Variants in KANSL3 observed in about 807,000 individuals in gnomAD.
The protein encoded by KANSL3 is KAT8 regulatory NSL complex subunit 3, also known as NSL complex protein NSL3.
Under a neutral mutation model 89.2 loss-of-function variants are expected in KANSL3, and 16 were observed. That is an observed-to-expected ratio of 0.18 (90% CI 0.12 to 0.27). The LOEUF is 0.27. Among genes scored for constraint, KANSL3 ranks in the 10% least tolerant of loss-of-function variants. The probability of loss-of-function intolerance (pLI) is 1.00; values close to 1 mark genes in which losing one functional copy is unlikely to be tolerated. For synonymous variants in KANSL3, 385 were observed against 419.7 expected, an observed-to-expected ratio of 0.92 and a Z score of 1.01; for missense variants, 879 against 1,110.6, an observed-to-expected ratio of 0.79 and a Z score of 2.96.
At chr2:96,601,836 T>A (rs777740365) in intron 19 of KANSL3, 60 bp from the exon 20 acceptor site, 91 of 1,492,416 alleles carry the variant, frequency 6.1e-5, no homozygotes, top group Non-Finnish European at 7.8e-5. Flanking sequence ...CTACTGAGGC[T>A]TTCCTTTCCT....
intron 3 of KANSL3, among the ~76,000 whole-genome samples, chr2:96,625,939 G>C (rs2072217218): frequency 6.6e-6 from 1 of 152,126 alleles, no homozygotes; most frequent in South Asian, 2.1e-4. Context: ...TGGGAACTGT[G>C]GTGAGCCAAC....
downstream of KANSL3, among the ~76,000 whole-genome samples, chr2:96,590,987 A>AACAAC (rs2066266369): frequency 6.6e-6 from 1 of 151,446 alleles, no homozygotes; most frequent in Non-Finnish European, 1.5e-5. Flanking sequence ...CTCCGTCTCA[A>AACAAC]AAAACAAAAC....
At chr2:96,604,530 C>T (rs542554443) in intron 16 of KANSL3, 150 bp from the exon 17 acceptor site, 3 of 994,136 alleles carry the variant, frequency 3.0e-6, no homozygotes, top group Admixed American at 5.7e-5. Flanking sequence ...CTTTCTGTAC[C>T]TGGCCTCTAG....
At chr2:96,615,905 G>T (rs1037970241) in intron 5 of KANSL3, among the ~76,000 whole-genome samples, 1 of 152,226 alleles carries the variant, frequency 6.6e-6, no homozygotes, top group Non-Finnish European at 1.5e-5. Flanking sequence ...TAACTGCCAT[G>T]AAAGAAACAG....
the KANSL3 span, among the ~76,000 whole-genome samples, chr2:96,587,655 C>G: frequency 1.3e-5 from 2 of 152,180 alleles, no homozygotes; most frequent in Admixed American, 6.5e-5. Flanking sequence ...AAGAAATTCT[C>G]AACTCAAATA....
chr2:96,601,588 T>C, intron 20 of KANSL3, 55 bp downstream of exon 20: 1 of 1,589,282 alleles, frequency 6.3e-7, no homozygotes, highest in Non-Finnish European at 8.6e-7. Flanking sequence ...AGTCAGCTGG[T>C]CTTAAACTTC....
intron 5 of KANSL3, 116 bp from the exon 6 acceptor site, chr2:96,613,735 C>A: frequency 1.2e-6 from 1 of 821,162 alleles, no homozygotes; most frequent in South Asian, 1.8e-5. Flanking sequence ...TTCAACTAAG[C>A]CTCTGAAAAC....
chr2:96,605,285 C>A, intron 15 of KANSL3, 35 bp downstream of exon 15: 1 of 1,569,592 alleles, frequency 6.4e-7, no homozygotes, highest in Non-Finnish European at 8.7e-7. Context: ...CCTGAGAGAG[C>A]TCAGTTCTCA....
intron 5 of KANSL3, among the ~76,000 whole-genome samples, chr2:96,615,871 G>A (rs2069988430): frequency 6.6e-6 from 1 of 152,164 alleles, no homozygotes; most frequent in African/African-American, 2.4e-5. Context: ...ATAATGGTGG[G>A]GGACAGGAAT....
chr2:96,604,358 C>T lies in KANSL3; in HGVS notation c.2041G>A (p.Val681Ile), dbSNP rs34406082. The change falls in exon 17 of 21, where the codon GTC becomes ATC. Residue 681 changes from valine to isoleucine, a missense_variant. Around this residue, in one of 6 missense-constraint regions of KANSL3, gnomAD observed 317 missense variants for 311.2 expected, o/e 1.02. Coordinates refer to ENST00000431828, the MANE Select transcript of KANSL3 (RefSeq NM_001115016.3). ...ACTGAAGGGACTGGGCTGGCTGAGA[C>T]TCCACCTTCAGAAGAACTGGACCTG... Reference protein sequence around the residue: ...TAKSSSSEGGVSASPVPSVVS... With the variant: ...TAKSSSSEGGISASPVPSVVS... 3.8e-3 allele frequency: 6,164 copies of T among 1,612,428 alleles called. 121 individuals are homozygous for T. In the African/African-American group the frequency reaches 0.051, roughly 13 times the overall value.
chr2:96,601,369 G>C (rs2067157976), intron 20 of KANSL3: 1 of 985,176 alleles, frequency 1.0e-6, no homozygotes, highest in Admixed American at 6.2e-5. Context: ...GAAACGAAAG[G>C]AAAAGTAAAC....
chr2:96,632,682 T>A (rs994722639), intron 2 of KANSL3, among the ~76,000 whole-genome samples: 2 of 152,120 alleles, frequency 1.3e-5, no homozygotes, highest in Non-Finnish European at 2.9e-5. Flanking sequence ...ACAAGTTGAT[T>A]GCCTAGATAC....
At chr2:96,600,659 A>G in intron 20 of KANSL3, 1 of 985,414 alleles carries the variant, frequency 1.0e-6, no homozygotes, top group Non-Finnish European at 1.2e-6. Context: ...TCAGTACTAG[A>G]CTCAAACTGT....
rs781693497 is a variant in KANSL3 at position 96,602,302 on chromosome 2, G to A, written c.2296C>T (p.Leu766=). ...SVKLPTPMQS[L]GAITTGTSTI... Reference sequence around the variant, plus strand: ...CTGGTGCCCGTGGTGATGGCACCCAGGCTCTGCATGGGGGTGGGCAACTTC... The same window carrying A: ...CTGGTGCCCGTGGTGATGGCACCCAAGCTCTGCATGGGGGTGGGCAACTTC... The change falls in exon 19 of 21, where the codon CTG becomes TTG. Residue 766 remains leucine, a synonymous_variant. Coordinates refer to ENST00000431828, the MANE Select transcript of KANSL3 (RefSeq NM_001115016.3). 2.7e-5 allele frequency: 44 copies of A among 1,611,740 alleles called. No individual in the cohort carries two copies. The Admixed American group carries it at 5.0e-4, about 18-fold the overall frequency.
chr2:96,596,845 C>A (rs1288001533), intron 20 of KANSL3, among the ~76,000 whole-genome samples: 1 of 152,210 alleles, frequency 6.6e-6, no homozygotes, highest in East Asian at 1.9e-4. Flanking sequence ...GTATGGCCAG[C>A]AGGACAGAGA....
chr2:96,590,848 T>C (rs931866995), downstream of KANSL3, among the ~76,000 whole-genome samples: 12 of 152,006 alleles, frequency 7.9e-5, no homozygotes, highest in Non-Finnish European at 7.4e-5. Flanking sequence ...TAGCCGGTCC[T>C]GGTGGTGTGT....
Position 96,637,037 on chromosome 2 carries a change from G to A in KANSL3, c.99C>T (p.Asp33=), listed in dbSNP as rs762552604. 3.9e-6 allele frequency: 6 copies of A among 1,551,544 alleles called. No individual in the cohort carries two copies. The South Asian group carries it at 5.9e-5, about 15-fold the overall frequency. Residue 33 remains aspartate (D), a synonymous_variant, in exon 2 of 21, where the codon GAC becomes GAT. Transcript: ENST00000431828. ...CATAGCTATGATCCAGAAAAACCAG[G>A]TCCAGCTCCCGTTCATGCACTGAAA... ...FQLSVHEREL[D]LVFLDHSYAK... is the part of the protein sequence containing the mutation.
Position 96,609,508 on chromosome 2 carries a change from T to C in KANSL3, c.1374A>G (p.Arg458=). 1 of 1,613,802 alleles carries C rather than the reference T, an allele frequency of 6.2e-7. No individual in the cohort carries two copies. The highest frequency in any genetic ancestry group is 8.5e-7 in the Non-Finnish European group (1 of 1,179,688). Residue 458 remains arginine (R), a synonymous_variant, in exon 12 of 21, where the codon AGA becomes AGG. Transcript: ENST00000431828. ...CAAAACAACTGTTTACCTGAATACA[T>C]CTGTCCACCATGCTCTGAGTCAACC... The part of the protein sequence containing the change: ...SEGLTQSMVD[R]CIQDEIVDFL...
Position 96,614,300 on chromosome 2 carries a change from G to T in KANSL3, c.664-681C>A, listed in dbSNP as rs1351576467. On this transcript the variant is annotated intron_variant, in intron 5 of 20. Coordinates refer to ENST00000431828, the MANE Select transcript of KANSL3 (RefSeq NM_001115016.3). ...GTAGAGATGGAGTTTCACCATATTG[G>T]TCAGGATGGTCTTGAACTCCTGACC... 2.6e-5 allele frequency among the ~76,000 whole-genome samples: 4 copies of T among 152,120 alleles called. No homozygotes were observed. The East Asian group carries it at 7.7e-4, about 29-fold the overall frequency.
Sources: allele counts gnomAD v4.1 joint callset (sites outside exome capture counted in the v4.1 genomes callset), GRCh38; gene constraint gnomAD v4.1.1; regional missense constraint gnomAD v4.1.1; transcripts MANE v1.5; gene names NCBI Gene and HGNC (gene_info 2026-07-23, HGNC 2026-07-21).